The following TMEM64 variants were observed in gnomAD, a reference collection of about 807,000 sequenced individuals.
The protein encoded by TMEM64 is transmembrane protein 64.
A neutral mutation model predicts 24.5 loss-of-function variants in TMEM64; 19 were observed. The observed-to-expected ratio is 0.78, with a 90% CI of 0.54 to 1.14. The LOEUF is 1.14. Among genes scored for constraint, TMEM64 ranks in the 50% most tolerant of loss-of-function variants. The probability of loss-of-function intolerance (pLI) is 0.00; values close to 1 mark genes in which losing one functional copy is unlikely to be tolerated. For missense variants in TMEM64, 487 were observed against 493.0 expected, an observed-to-expected ratio of 0.99 and a Z score of 0.12; for synonymous variants, 262 against 224.7, an observed-to-expected ratio of 1.17 and a Z score of -1.49.
rs759659301 is a variant in TMEM64, at chr8:90,645,240, G to A, written c.666C>T (p.Ala222=). The part of the protein sequence containing the change: ...VCKRLLTAWV[A]ARIQSSEKLS... ...GCTTCTCGCTGCTCTGGATCCTGGC[G>A]GCCACCCAGGCGGTGAGGAGCCGCT... The change falls in exon 1 of 3, where the codon GCC becomes GCT. Residue 222 remains alanine, a synonymous_variant. Coordinates refer to ENST00000458549, the MANE Select transcript of TMEM64 (RefSeq NM_001008495.4). The surrounding 1 kb of genome is among the most constrained non-coding windows in gnomAD (Gnocchi z 4.2). 2 of 1,613,752 alleles carry A rather than the reference G, an allele frequency of 1.2e-6. No homozygotes were observed. The highest frequency in any genetic ancestry group is 8.5e-7 in the Non-Finnish European group (1 of 1,179,808).
At chr8:90,642,948 G>A (rs1809627003) in intron 1 of TMEM64, among the ~76,000 whole-genome samples, 1 of 151,172 alleles carries the variant, frequency 6.6e-6, no homozygotes, top group Non-Finnish European at 1.5e-5. Flanking sequence ...CTTTTTTATT[G>A]ACCACACAAT....
chr8:90,638,939 C>G (rs1311477421), intron 1 of TMEM64, among the ~76,000 whole-genome samples: 1 of 152,226 alleles, frequency 6.6e-6, no homozygotes, highest in Non-Finnish European at 1.5e-5. Context: ...GGCTACACCT[C>G]CAGCATTTAA....
intron 1 of TMEM64, among the ~76,000 whole-genome samples, chr8:90,635,230 A>G (rs1167762414): frequency 6.6e-6 from 1 of 152,144 alleles, no homozygotes; most frequent in Non-Finnish European, 1.5e-5. Context: ...TGGAAACCAA[A>G]GCGTAACTTT....
At position 90,645,284 on chromosome 8, in the gene TMEM64, T is replaced by C; in HGVS notation, c.622A>G (p.Ile208Val). ...MMVGVLIGTF[I>V]AHVVCKRLLT... ...AGCCGCTTGCAGACCACATGGGCGA[T>C]GAAGGTGCCGATGAGGACGCCCACC... The change falls in exon 1 of 3, where the codon ATC (isoleucine) becomes GTC (valine). Residue 208 changes from isoleucine (I) to valine (V), a missense_variant. Ile to Val is a conservative substitution (Grantham distance 29). Coordinates refer to ENST00000458549, the MANE Select transcript of TMEM64 (RefSeq NM_001008495.4). This position sits in a 1 kb window ranked among gnomAD's most constrained non-coding sequence, Gnocchi z 4.2. 2 of 1,603,478 alleles carry C rather than the reference T, an allele frequency of 1.2e-6. No individual in the cohort carries two copies. Among genetic ancestry groups the C allele is most frequent in the South Asian group, 2.2e-5 (2 of 89,910 alleles).
At position 90,638,025 on chromosome 8, in the gene TMEM64, T is replaced by C. The variant is rs1003810818; in HGVS notation, c.796-6318A>G. Among the ~76,000 whole-genome samples the C allele has an allele frequency of 2.6e-5, 4 of 152,300 alleles. No homozygotes were observed. The East Asian group carries it at 7.7e-4, about 29-fold the overall frequency. On this transcript the variant is annotated intron_variant, in intron 1 of 2. Transcript: ENST00000458549. ...TACATCTTGTCAACCGCACCTTCTC[T>C]GGGGAAATCTATCCACCGTCTGGGC...
chr8:90,643,190 T>G (rs1328513734), intron 1 of TMEM64, among the ~76,000 whole-genome samples: 1 of 152,204 alleles, frequency 6.6e-6, no homozygotes, highest in Non-Finnish European at 1.5e-5. Context: ...GGTGGTTGGT[T>G]GAGACACTGC....
At position 90,625,787 on chromosome 8, in the gene TMEM64, AAG is replaced by A; in HGVS notation, c.1025_1026del (p.Ala342ValfsTer2). Reference protein sequence around the residue: ...AQVELNAAIVACEMELKSSLV... With the variant: ...AQVELNAAIVXCEMELKSSLV... ...AGAGAAGATTTCAGTTCCATTTCAC[AAG>A]CTACAATAGCTGCATTCAATTCCAC... On this transcript the variant is annotated frameshift_variant, in exon 3 of 3. Coordinates refer to ENST00000458549, the MANE Select transcript of TMEM64 (RefSeq NM_001008495.4). LOFTEE classifies it high-confidence loss of function. 6.2e-7 allele frequency: 1 copy of A among 1,614,010 alleles called. No homozygotes were observed. Among genetic ancestry groups the A allele is most frequent in the Non-Finnish European group, 8.5e-7 (1 of 1,179,940 alleles).
intron 2 of TMEM64, among the ~76,000 whole-genome samples, chr8:90,627,199 G>A (rs1328603171): frequency 6.6e-6 from 1 of 152,110 alleles, no homozygotes; most frequent in East Asian, 1.9e-4. Context: ...GTGGTTGGGG[G>A]AGGAGATAAC....
intron 1 of TMEM64, among the ~76,000 whole-genome samples, chr8:90,634,538 T>C (rs1809486444): frequency 6.6e-6 from 1 of 152,222 alleles, no homozygotes. Flanking sequence ...ACATTTCATA[T>C]TGGGATTAAG....
intron 2 of TMEM64, among the ~76,000 whole-genome samples, chr8:90,630,767 A>G (rs574800204): frequency 4.6e-5 from 7 of 152,350 alleles, no homozygotes; most frequent in African/African-American, 1.4e-4. Context: ...TGGCATATAA[A>G]GCATGGAATA....
rs1410094905 is a variant in TMEM64, at chr8:90,622,987, A to T, written c.*2684T>A. 6.6e-6 allele frequency: 1 copy of T among 151,778 alleles called. No homozygotes were observed. Among genetic ancestry groups the T allele is most frequent in the Non-Finnish European group, 1.5e-5 (1 of 68,000 alleles). The allele number at this position is 151,778 out of a possible 1,614,324, so 9.4% of individuals were successfully genotyped here. On this transcript the variant is annotated 3_prime_UTR_variant, in exon 3 of 3. Coordinates refer to ENST00000458549, the MANE Select transcript of TMEM64 (RefSeq NM_001008495.4). ...AAAAATGGACATGAATATGCTTAGT[A>T]AATTAGCATATACATTTTTTTTAAA...
At position 90,644,359 on chromosome 8, in the gene TMEM64, T is replaced by C. The variant is rs116058868; in HGVS notation, c.795+752A>G. On this transcript the variant is annotated intron_variant, in intron 1 of 2. Coordinates refer to ENST00000458549, the MANE Select transcript of TMEM64 (RefSeq NM_001008495.4). ...CTCTTCACTAGCAGTGTTTCTATCC[T>C]AAATCAGTTGCATGGAGATGCACAC... Among the ~76,000 whole-genome samples the C allele has an allele frequency of 7.4e-3, 1,122 of 152,350 alleles. 10 individuals are homozygous for C. Among genetic ancestry groups the C allele is most frequent in the African/African-American group, 0.026 (1,065 of 41,586 alleles).
In TMEM64 at chr8:90,645,770, G is replaced by A; in HGVS notation, c.136C>T (p.Leu46Phe). 1 of 1,032,092 alleles carries A rather than the reference G, an allele frequency of 9.7e-7. No homozygotes were observed. Among genetic ancestry groups the A allele is most frequent in the Non-Finnish European group, 1.2e-6 (1 of 862,658 alleles). 63.9% of individuals were successfully genotyped at this position (1,032,092 alleles called of 1,614,324 possible). Residue 46 changes from leucine to phenylalanine, a missense_variant, in exon 1 of 3, where the codon CTT becomes TTT. Physicochemically the swap from Leu to Phe is conservative, Grantham distance 22. This residue lies in a region of TMEM64 where 419 missense variants were observed against 407.5 expected (regional missense o/e 1.03). Transcript: ENST00000458549. The surrounding 1 kb of genome is among the most constrained non-coding windows in gnomAD (Gnocchi z 4.2). ...GAGGDGPADR[L>F]PRGGGASAAA... ...GCGCTCGCCCCGCCCCCGCGGGGAAGGCGGTCCGCCGGGCCGTCCCCGCCC... is the reference window on the plus strand; with the variant it reads ...GCGCTCGCCCCGCCCCCGCGGGGAAAGCGGTCCGCCGGGCCGTCCCCGCCC...
chr8:90,637,921 C>T (rs1466603363), intron 1 of TMEM64, among the ~76,000 whole-genome samples: 1 of 152,132 alleles, frequency 6.6e-6, no homozygotes, highest in Non-Finnish European at 1.5e-5. Context: ...TTCTGTGTTC[C>T]CAATCTCAGC....
At chr8:90,641,004 T>G (rs931730602) in intron 1 of TMEM64, among the ~76,000 whole-genome samples, 1 of 152,214 alleles carries the variant, frequency 6.6e-6, no homozygotes, top group Non-Finnish European at 1.5e-5. Flanking sequence ...TTGTTTGCAT[T>G]TTACACACAG....
intron 2 of TMEM64, among the ~76,000 whole-genome samples, chr8:90,628,133 A>G (rs1157526259): frequency 6.6e-6 from 1 of 152,204 alleles, no homozygotes; most frequent in African/African-American, 2.4e-5. Flanking sequence ...GGTTTAGAAA[A>G]TGGAAATAGA....
Position 90,645,776 on chromosome 8 carries a change from C to A in TMEM64, c.130G>T (p.Asp44Tyr). 1 of 1,020,506 alleles carries A rather than the reference C, an allele frequency of 9.8e-7. No individual in the cohort carries two copies. The highest frequency in any genetic ancestry group is 4.5e-5 in the South Asian group (1 of 22,438). 63.2% of individuals were successfully genotyped at this position (1,020,506 alleles called of 1,614,324 possible). A position where few individuals can be genotyped will look rare whatever the true frequency, so the allele number is the denominator to read the frequency against. The change falls in exon 1 of 3, where the codon GAC (aspartate) becomes TAC (tyrosine). Residue 44 changes from aspartate to tyrosine, a missense_variant. Physicochemically the swap from Asp to Tyr is radical, Grantham distance 160 (BLOSUM62 -3). Transcript: ENST00000458549. This position sits in a 1 kb window ranked among gnomAD's most constrained non-coding sequence, Gnocchi z 4.2. ...GCCCCGCCCCCGCGGGGAAGGCGGT[C>A]CGCCGGGCCGTCCCCGCCCGCACCC... is the stretch of plus-strand genomic sequence containing the variant. Reference protein sequence around the residue: ...PRGAGGDGPADRLPRGGGASA... With the variant: ...PRGAGGDGPAYRLPRGGGASA...
chr8:90,630,142 A>C (rs13281157), intron 2 of TMEM64, among the ~76,000 whole-genome samples: 4,169 of 152,184 alleles, frequency 0.027, 98 homozygotes, highest in Non-Finnish European at 0.044. Context: ...TGGTTCCTGG[A>C]GCCCCCCAGA....
chr8:90,632,876 C>T lies in TMEM64; in HGVS notation c.796-1169G>A, dbSNP rs190813588. Among the ~76,000 whole-genome samples, 700 of 152,282 alleles carry T rather than the reference C, an allele frequency of 4.6e-3. 9 individuals carry two copies. The highest frequency in any genetic ancestry group is 0.015 in the African/African-American group (621 of 41,550). ...TTATCATTATTATGCAATTATACTACCATTGTGTGGATGTAGCACAATTTA... is the reference window on the plus strand; with the variant it reads ...TTATCATTATTATGCAATTATACTATCATTGTGTGGATGTAGCACAATTTA... On this transcript the variant is annotated intron_variant, in intron 1 of 2. Transcript: ENST00000458549.
Sources: allele counts gnomAD v4.1 joint callset (sites outside exome capture counted in the v4.1 genomes callset), GRCh38; gene constraint gnomAD v4.1.1; regional missense constraint gnomAD v4.1.1; non-coding constraint Gnocchi (gnomAD v3.1); transcripts MANE v1.5; gene names NCBI Gene and HGNC (gene_info 2026-07-23, HGNC 2026-07-21).